Variants in KDM4C observed in about 807,000 individuals in gnomAD.
KDM4C encodes lysine demethylase 4C.
Under a neutral mutation model 129.3 loss-of-function variants are expected in KDM4C, and 81 were observed. That is an observed-to-expected ratio of 0.63 (90% CI 0.52 to 0.75). The LOEUF (loss-of-function observed/expected upper bound fraction) is 0.75. KDM4C is among the 30% of genes least tolerant of loss of function. The pLI is 0.00. For missense variants in KDM4C, 1,457 were observed against 1,304.0 expected, an observed-to-expected ratio of 1.12 and a Z score of -1.81; for synonymous variants, 573 against 456.1, an observed-to-expected ratio of 1.26 and a Z score of -3.26.
intron 8 of KDM4C, among the ~76,000 whole-genome samples, chr9:6,907,128 G>A (rs892575190): frequency 2.6e-5 from 4 of 152,186 alleles, no homozygotes; most frequent in Admixed American, 6.5e-5. Context: ...GTTAAAAACA[G>A]CAGGGTGTAT....
intron 5 of KDM4C, among the ~76,000 whole-genome samples, chr9:6,878,204 C>T (rs900214821): frequency 1.1e-4 from 16 of 152,206 alleles, no homozygotes; most frequent in Admixed American, 7.8e-4. Context: ...CTTCCGTGTA[C>T]GGGGCTGTGA....
intron 17 of KDM4C, among the ~76,000 whole-genome samples, chr9:7,088,044 G>A (rs540025572): frequency 3.3e-5 from 5 of 152,334 alleles, no homozygotes; most frequent in South Asian, 2.1e-4. Flanking sequence ...TTAGATCTAT[G>A]AATCAGAACT....
At chr9:7,079,531 A>T (rs1383454854) in intron 17 of KDM4C, among the ~76,000 whole-genome samples, 1 of 152,182 alleles carries the variant, frequency 6.6e-6, no homozygotes, top group East Asian at 1.9e-4. Flanking sequence ...CATGTTGGCC[A>T]GGCTGGTCTT....
At chr9:6,806,349 C>T (rs964571616) in intron 3 of KDM4C, among the ~76,000 whole-genome samples, 1 of 151,958 alleles carries the variant, frequency 6.6e-6, no homozygotes, top group Non-Finnish European at 1.5e-5. Context: ...ACAAAATTAA[C>T]CATGCGTGGT....
intron 1 of KDM4C, among the ~76,000 whole-genome samples, chr9:6,752,514 G>A (rs928417453): frequency 4.7e-5 from 7 of 149,310 alleles, no homozygotes; most frequent in South Asian, 4.3e-4. Context: ...GGGTTCAAGC[G>A]ATTCTCCTGC....
chr9:7,026,145 C>T (rs1208354439), intron 15 of KDM4C, among the ~76,000 whole-genome samples: 1 of 151,056 alleles, frequency 6.6e-6, no homozygotes, highest in East Asian at 1.9e-4. Flanking sequence ...ACGAAGGTTG[C>T]AGTGAGCCGA....
intron 18 of KDM4C, among the ~76,000 whole-genome samples, chr9:7,114,428 A>G (rs1838667911): frequency 6.6e-6 from 1 of 152,218 alleles, no homozygotes; most frequent in Non-Finnish European, 1.5e-5. Context: ...AATGAAGGGA[A>G]TTAGCACCTA....
intron 2 of KDM4C, among the ~76,000 whole-genome samples, chr9:6,795,522 G>C (rs144337172): frequency 0.015 from 2,261 of 152,092 alleles, 50 homozygotes; most frequent in African/African-American, 0.05. Context: ...AGTAGAGACA[G>C]GGTTTCACCA....
intron 8 of KDM4C, among the ~76,000 whole-genome samples, chr9:6,956,095 G>C (rs1342920460): frequency 6.6e-6 from 1 of 152,130 alleles, no homozygotes; most frequent in Non-Finnish European, 1.5e-5. Flanking sequence ...GTTACCAGAG[G>C]CTGAGGAGGG....
intron 12 of KDM4C, among the ~76,000 whole-genome samples, chr9:7,005,758 A>G (rs1160456818): frequency 6.6e-6 from 1 of 152,214 alleles, no homozygotes; most frequent in Non-Finnish European, 1.5e-5. Context: ...GCTATCTCAT[A>G]TAACTTGTTG....
intron 17 of KDM4C, among the ~76,000 whole-genome samples, chr9:7,086,327 T>C (rs1835110618): frequency 6.6e-6 from 1 of 152,206 alleles, no homozygotes; most frequent in African/African-American, 2.4e-5. Flanking sequence ...TCCCCTCTCA[T>C]ATACAGTGAT....
At chr9:6,934,169 TA>T (rs77673136) in intron 8 of KDM4C, among the ~76,000 whole-genome samples, 39,867 of 150,858 alleles carry the variant, frequency 0.26, 5,576 homozygotes, top group South Asian at 0.39. Context: ...TTCCTGATTG[TA>T]AAAAAAATCA....
intron 18 of KDM4C, among the ~76,000 whole-genome samples, chr9:7,117,626 TACACACACACAC>T (rs71315578): frequency 0.011 from 1,551 of 147,012 alleles, 24 homozygotes; most frequent in African/African-American, 0.03. Flanking sequence ...TGTTAATTTC[TACACACACACAC>T]ACACACACAC....
At chr9:6,843,915 A>G (rs1212207849) in intron 4 of KDM4C, among the ~76,000 whole-genome samples, 6 of 152,154 alleles carry the variant, frequency 3.9e-5, no homozygotes, top group South Asian at 2.1e-4. Context: ...CAGTGGCACA[A>G]TCATGACTCA....
chr9:6,911,500 C>T (rs1475138295), intron 8 of KDM4C, among the ~76,000 whole-genome samples: 1 of 152,156 alleles, frequency 6.6e-6, no homozygotes, highest in Non-Finnish European at 1.5e-5. Flanking sequence ...TAAGCTAGTA[C>T]ATTAGTGAAT....
intron 18 of KDM4C, among the ~76,000 whole-genome samples, chr9:7,121,412 C>A (rs113539306): frequency 1.2e-4 from 19 of 152,240 alleles, no homozygotes; most frequent in Non-Finnish European, 2.5e-4. Flanking sequence ...CCCTCTTGAA[C>A]GAAGGACTAT....
At chr9:6,992,182 G>A (rs1459691380) in intron 12 of KDM4C, among the ~76,000 whole-genome samples, 1 of 152,080 alleles carries the variant, frequency 6.6e-6, no homozygotes, top group Non-Finnish European at 1.5e-5. Context: ...TTTTGTGAAG[G>A]GAATAGGCTA....
At chr9:6,856,327 C>G (rs1440809410) in intron 5 of KDM4C, among the ~76,000 whole-genome samples, 1 of 152,070 alleles carries the variant, frequency 6.6e-6, no homozygotes, top group Non-Finnish European at 1.5e-5. Context: ...AATGTTAAGA[C>G]TTACTGGATG....
chr9:6,943,071 G>A (rs774876376), intron 8 of KDM4C, among the ~76,000 whole-genome samples: 6 of 151,998 alleles, frequency 3.9e-5, no homozygotes, highest in Non-Finnish European at 8.8e-5. Context: ...GTCTTGCCAT[G>A]GTTCCCTGGC....
Sources: allele counts gnomAD v4.1 joint callset (sites outside exome capture counted in the v4.1 genomes callset), GRCh38; gene constraint gnomAD v4.1.1; transcripts MANE v1.5; gene names NCBI Gene and HGNC (gene_info 2026-07-23, HGNC 2026-07-21).